Variants in IPO11 observed in about 807,000 individuals in gnomAD.
IPO11 encodes importin-11.
A neutral mutation model predicts 143.2 loss-of-function variants in IPO11; 66 were observed. That is an observed-to-expected ratio of 0.46 (90% CI 0.38 to 0.57). IPO11 has a LOEUF of 0.57. Ranked by LOEUF, IPO11 falls within the 20% of genes least tolerant of loss-of-function variation. The pLI, the probability that IPO11 is intolerant of heterozygous loss-of-function variation, is 0.00. For missense variants in IPO11, 1,026 were observed against 1,141.0 expected (o/e 0.90, Z 1.45); for synonymous variants, 385 against 377.8 (o/e 1.02, Z -0.22).
chr5:62,508,449 G>C (rs1386855632), intron 19 of IPO11, among the ~76,000 whole-genome samples: 1 of 151,924 alleles, frequency 6.6e-6, no homozygotes, highest in East Asian at 1.9e-4. Context: ...CAGCTGGCCA[G>C]AATTATCTTT....
rs954250181 is a variant in IPO11 at position 62,572,854 on chromosome 5, A to T, written c.2582+11597A>T. Among the ~76,000 whole-genome samples, 11 of 152,240 alleles carry T rather than the reference A, an allele frequency of 7.2e-5. No homozygotes were observed. The South Asian group carries it at 2.1e-3, about 29-fold the overall frequency. On this transcript the variant is annotated intron_variant, in intron 27 of 29. Coordinates refer to ENST00000325324, the MANE Select transcript of IPO11 (RefSeq NM_016338.5). ...TGCCTGGGCCTCCCAATATGCTGGG[A>T]TTGCAGGTGGGAGCCACTGTGCCAG...
At chr5:62,489,973 C>G in intron 14 of IPO11, 142 bp from the exon 15 acceptor site, 1 of 414,590 alleles carries the variant, frequency 2.4e-6, no homozygotes, top group Non-Finnish European at 4.3e-6. Context: ...TAAATTATTT[C>G]TTCTACTTAA....
In IPO11 at chr5:62,413,398, A is replaced by C. The variant is rs571190255; in HGVS notation, c.-7+469A>C. 3 of 152,334 alleles carry C rather than the reference A, an allele frequency of 2.0e-5. No homozygotes were observed. The East Asian group carries it at 5.8e-4, about 29-fold the overall frequency. The allele number at this position is 152,334 out of a possible 1,614,324, so 9.4% of individuals were successfully genotyped here. Reference sequence around the variant, plus strand: ...TAGACCCTTACATGCTTTTAATGAAAAAGTGAAGGTAGTTGTCCGTTTATA... The same window carrying C: ...TAGACCCTTACATGCTTTTAATGAACAAGTGAAGGTAGTTGTCCGTTTATA... On this transcript the variant is annotated intron_variant, in intron 1 of 29. Coordinates refer to ENST00000325324, the MANE Select transcript of IPO11 (RefSeq NM_016338.5).
At chr5:62,529,809 C>T (rs1047844956) in intron 21 of IPO11, among the ~76,000 whole-genome samples, 6 of 152,086 alleles carry the variant, frequency 3.9e-5, no homozygotes, top group Middle Eastern at 3.4e-3. Flanking sequence ...CAAAACAGTC[C>T]TTGTTTTGAG....
intron 6 of IPO11, among the ~76,000 whole-genome samples, chr5:62,467,610 A>G (rs1310060745): frequency 6.6e-6 from 1 of 152,040 alleles, no homozygotes; most frequent in African/African-American, 2.4e-5. Flanking sequence ...ACTTTCCTAA[A>G]ATTTTTTCTC....
At chr5:62,494,194 A>G (rs1160590332) in intron 16 of IPO11, 70 bp downstream of exon 16, 17 of 1,381,874 alleles carry the variant, frequency 1.2e-5, no homozygotes, top group Admixed American at 4.1e-5. Context: ...CAAGTTCACA[A>G]CAGTTTATGT....
chr5:62,441,026 T>C (rs1298702254), intron 2 of IPO11, among the ~76,000 whole-genome samples: 1 of 152,100 alleles, frequency 6.6e-6, no homozygotes, highest in Admixed American at 6.6e-5. Flanking sequence ...CATTTTTGGC[T>C]TTGGGGTTTT....
intron 5 of IPO11, among the ~76,000 whole-genome samples, chr5:62,454,946 C>G (rs930850113): frequency 3.9e-5 from 6 of 152,084 alleles, no homozygotes; most frequent in Non-Finnish European, 7.4e-5. Context: ...CTAGAGATAC[C>G]TGGAAAAAAT....
At chr5:62,494,260 G>A in intron 16 of IPO11, 136 bp downstream of exon 16, 2 of 623,784 alleles carry the variant, frequency 3.2e-6, no homozygotes, top group South Asian at 5.2e-5. Flanking sequence ...TTGGTGAGCA[G>A]TTTGATTTGA....
chr5:62,543,227 G>A (rs1294363126), intron 24 of IPO11, among the ~76,000 whole-genome samples: 1 of 152,148 alleles, frequency 6.6e-6, no homozygotes, highest in Non-Finnish European at 1.5e-5. Context: ...TTTCACAAAA[G>A]TTTTAAGAAC....
At chr5:62,535,217 C>G (rs1742695515) in intron 22 of IPO11, among the ~76,000 whole-genome samples, 1 of 151,668 alleles carries the variant, frequency 6.6e-6, no homozygotes, top group African/African-American at 2.4e-5. Context: ...ATCAAGTCTT[C>G]TTAAATGTTG....
intron 7 of IPO11, 111 bp downstream of exon 7, chr5:62,470,419 A>G (rs1185997452): frequency 2.2e-6 from 2 of 927,406 alleles, no homozygotes; most frequent in African/African-American, 3.3e-5. Flanking sequence ...TTATTAAGTG[A>G]CCATCTAGTT....
At chr5:62,527,753 TAGG>T (rs1243967911) in intron 21 of IPO11, among the ~76,000 whole-genome samples, 2 of 152,178 alleles carry the variant, frequency 1.3e-5, no homozygotes, top group Non-Finnish European at 2.9e-5. Context: ...AATAAATTAT[TAGG>T]AGAAAATTTT....
intron 20 of IPO11, among the ~76,000 whole-genome samples, chr5:62,522,032 T>C (rs1742218129): frequency 6.6e-6 from 1 of 152,128 alleles, no homozygotes; most frequent in African/African-American, 2.4e-5. Flanking sequence ...TTAGTTGTTT[T>C]GTTTTCTGTT....
chr5:62,524,253 G>A (rs913079996), intron 20 of IPO11, among the ~76,000 whole-genome samples: 5 of 151,978 alleles, frequency 3.3e-5, no homozygotes, highest in African/African-American at 1.2e-4. Context: ...AAGACAGTGT[G>A]TTATATAGTA....
intron 20 of IPO11, among the ~76,000 whole-genome samples, chr5:62,518,210 C>A (rs572823097): frequency 2.6e-4 from 39 of 151,414 alleles, no homozygotes; most frequent in African/African-American, 6.3e-4. Flanking sequence ...CTTTGGGAGG[C>A]CGAGGCGGGT....
intron 19 of IPO11, among the ~76,000 whole-genome samples, chr5:62,507,458 C>A (rs1402382879): frequency 6.6e-6 from 1 of 152,122 alleles, no homozygotes; most frequent in Non-Finnish European, 1.5e-5. Flanking sequence ...TTTAAGAACT[C>A]ATTTTAAGTC....
intron 28 of IPO11, among the ~76,000 whole-genome samples, chr5:62,600,867 A>G (rs750429290): frequency 5.9e-5 from 9 of 152,216 alleles, no homozygotes; most frequent in Non-Finnish European, 1.0e-4. Flanking sequence ...TTTTAATGGT[A>G]GGAAATAGAA....
At position 62,628,030 on chromosome 5, in the gene IPO11, C is replaced by T. The variant is rs1299844306; in HGVS notation, c.*712C>T. ...GTGAACGTGTGGTACTGTAGTACCA[C>T]GTGGGAGACCTCTGGTTATGGTTTA... On this transcript the variant is annotated 3_prime_UTR_variant, in exon 30 of 30. Coordinates refer to ENST00000325324, the MANE Select transcript of IPO11 (RefSeq NM_016338.5). The T allele has an allele frequency of 6.6e-6, 1 of 151,636 alleles. No individual in the cohort carries two copies. Among genetic ancestry groups the T allele is most frequent in the African/African-American group, 2.4e-5 (1 of 41,260 alleles). 9.4% of individuals were successfully genotyped at this position (151,636 alleles called of 1,614,324 possible). A position where few individuals can be genotyped will look rare whatever the true frequency, so the allele number is the denominator to read the frequency against.
Sources: gnomAD v4.1 joint callset for allele counts (sites outside exome capture counted in the v4.1 genomes callset) on GRCh38, gnomAD v4.1.1 for gene constraint, MANE v1.5 for transcripts, NCBI Gene and HGNC (gene_info 2026-07-23, HGNC 2026-07-21) for gene names.